The following FAM107B variants were observed in gnomAD, a reference collection of about 807,000 sequenced individuals.
FAM107B encodes family with sequence similarity 107 member B.
A neutral mutation model predicts 31.5 loss-of-function variants in FAM107B; 21 were observed. The observed-to-expected ratio is 0.67, with a 90% CI of 0.47 to 0.96. The LOEUF (loss-of-function observed/expected upper bound fraction) is 0.96. Ranked by LOEUF, FAM107B falls within the 40% of genes least tolerant of loss-of-function variation. The probability of loss-of-function intolerance (pLI) is 0.00; values close to 1 mark genes in which losing one functional copy is unlikely to be tolerated. For synonymous variants in FAM107B, 157 were observed against 141.5 expected (o/e 1.11, Z -0.78); for missense variants, 452 against 377.1 (o/e 1.20, Z -1.64).
chr10:14,755,154 A>G (rs998870904), intron 1 of FAM107B, among the ~76,000 whole-genome samples: 3 of 152,252 alleles, frequency 2.0e-5, no homozygotes, highest in African/African-American at 7.2e-5. Flanking sequence ...ATGACTTGAC[A>G]CTTCTGTGGA....
intron 2 of FAM107B, among the ~76,000 whole-genome samples, chr10:14,568,386 A>G: frequency 6.6e-6 from 1 of 152,038 alleles, no homozygotes; most frequent in African/African-American, 2.4e-5. Context: ...GGAGGTGAAG[A>G]TACTGGAGGA....
chr10:14,602,211 G>C (rs1033201481), intron 2 of FAM107B, among the ~76,000 whole-genome samples: 22 of 152,156 alleles, frequency 1.4e-4, no homozygotes, highest in African/African-American at 4.8e-4. Flanking sequence ...CTGAGCGTGT[G>C]TGCAGATTAA....
chr10:14,753,761 A>T (rs1270189535), intron 1 of FAM107B, among the ~76,000 whole-genome samples: 1 of 152,100 alleles, frequency 6.6e-6, no homozygotes, highest in Non-Finnish European at 1.5e-5. Context: ...CTCAAAGAAG[A>T]GAAGAAAATA....
intron 2 of FAM107B, among the ~76,000 whole-genome samples, chr10:14,664,233 T>C (rs963077890): frequency 1.1e-4 from 16 of 152,242 alleles, no homozygotes; most frequent in African/African-American, 2.7e-4. Flanking sequence ...AAGACTTCCA[T>C]AGTATCCTGC....
chr10:14,766,096 T>C (rs1833155944), intron 1 of FAM107B, among the ~76,000 whole-genome samples: 1 of 152,204 alleles, frequency 6.6e-6, no homozygotes, highest in Admixed American at 6.5e-5. Context: ...TTGAATATCA[T>C]TTACCTATAG....
At chr10:14,733,622 A>G (rs916631680) in intron 1 of FAM107B, among the ~76,000 whole-genome samples, 2 of 152,224 alleles carry the variant, frequency 1.3e-5, no homozygotes, top group Non-Finnish European at 2.9e-5. Context: ...AAATAATGAT[A>G]AGGTAAACTG....
intron 2 of FAM107B, among the ~76,000 whole-genome samples, chr10:14,624,222 T>C (rs10906717): frequency 0.41 from 62,127 of 151,616 alleles, 13,182 homozygotes; most frequent in East Asian, 0.69. Context: ...GCTATAAGGA[T>C]GGTGAATAAA....
At chr10:14,731,199 T>TA (rs1408138999) in intron 1 of FAM107B, among the ~76,000 whole-genome samples, 1 of 152,056 alleles carries the variant, frequency 6.6e-6, no homozygotes, top group African/African-American at 2.4e-5. Context: ...TGTCAGGTAC[T>TA]AAAAAAATAA....
intron 1 of FAM107B, among the ~76,000 whole-genome samples, chr10:14,692,971 G>A (rs1028497174): frequency 2.6e-5 from 4 of 152,168 alleles, no homozygotes; most frequent in African/African-American, 9.7e-5. Context: ...GGGCTATGAC[G>A]ATCCATGCAA....
At chr10:14,749,405 CTCAA>C (rs1365814669) in intron 1 of FAM107B, among the ~76,000 whole-genome samples, 2 of 152,156 alleles carry the variant, frequency 1.3e-5, no homozygotes, top group Admixed American at 6.5e-5. Context: ...CCTTCCCCCT[CTCAA>C]TCAATCTGGC....
intron 2 of FAM107B, among the ~76,000 whole-genome samples, chr10:14,588,752 T>C (rs891707010): frequency 5.3e-5 from 8 of 152,096 alleles, no homozygotes; most frequent in African/African-American, 1.9e-4. Context: ...ATCTGATCTT[T>C]ATGAAATCTC....
intron 2 of FAM107B, among the ~76,000 whole-genome samples, chr10:14,582,370 C>CTTT (rs1200225339): frequency 3.3e-5 from 3 of 90,486 alleles, no homozygotes; most frequent in African/African-American, 7.5e-5. Context: ...TTTGTTTTTT[C>CTTT]TTTTCTTTTT....
intron 2 of FAM107B, among the ~76,000 whole-genome samples, chr10:14,588,137 T>G (rs1588637367): frequency 6.6e-6 from 1 of 150,914 alleles, no homozygotes; most frequent in Non-Finnish European, 1.5e-5. Flanking sequence ...AAATAGGCGG[T>G]TTTTGAAATT....
chr10:14,709,044 A>G (rs890658214), intron 1 of FAM107B, among the ~76,000 whole-genome samples: 1 of 152,220 alleles, frequency 6.6e-6, no homozygotes, highest in African/African-American at 2.4e-5. Context: ...CACTGATAAC[A>G]ACAAATGCTG....
chr10:14,548,411 G>A, intron 2 of FAM107B: 1 of 985,588 alleles, frequency 1.0e-6, no homozygotes, highest in Non-Finnish European at 1.2e-6. Context: ...ACAGGTCTGT[G>A]AGGGTGCGTG....
intron 2 of FAM107B, among the ~76,000 whole-genome samples, chr10:14,621,692 G>A (rs1264887347): frequency 1.3e-5 from 2 of 152,248 alleles, no homozygotes; most frequent in Non-Finnish European, 2.9e-5. Context: ...TTGAAGCTGG[G>A]GAAGAGAGGA....
intron 2 of FAM107B, among the ~76,000 whole-genome samples, chr10:14,588,678 G>A (rs747896843): frequency 9.2e-5 from 14 of 152,080 alleles, no homozygotes; most frequent in Non-Finnish European, 2.1e-4. Flanking sequence ...CCATGCCACA[G>A]GGTGACTTCT....
chr10:14,574,238 T>C (rs1851395050), intron 2 of FAM107B, among the ~76,000 whole-genome samples: 1 of 152,262 alleles, frequency 6.6e-6, no homozygotes, highest in Admixed American at 6.5e-5. Flanking sequence ...CAACTGAATC[T>C]GTAAGAGTGA....
intron 2 of FAM107B, among the ~76,000 whole-genome samples, chr10:14,534,231 G>T (rs1243450897): frequency 6.6e-6 from 1 of 152,114 alleles, no homozygotes; most frequent in African/African-American, 2.4e-5. Context: ...GGCCACACTG[G>T]GGTCTGGGAA....
Sources: allele counts gnomAD v4.1 joint callset (sites outside exome capture counted in the v4.1 genomes callset), GRCh38; gene constraint gnomAD v4.1.1; transcripts MANE v1.5; gene names NCBI Gene and HGNC (gene_info 2026-07-23, HGNC 2026-07-21).